TMCC1: variants seen among roughly 807,000 people sequenced by gnomAD.
The protein encoded by TMCC1 is transmembrane and coiled-coil domains protein 1.
A neutral mutation model predicts 52.4 loss-of-function variants in TMCC1; 15 were observed. The ratio of observed to expected loss-of-function variants is 0.29; its 90% CI spans 0.19 to 0.44. The LOEUF is 0.44. TMCC1 is among the 20% of genes least tolerant of loss of function. The probability of loss-of-function intolerance (pLI) is 1.00; values close to 1 mark genes in which losing one functional copy is unlikely to be tolerated. For missense variants in TMCC1, 503 were observed against 806.0 expected (o/e 0.62, Z 4.55); for synonymous variants, 279 against 301.9 (o/e 0.92, Z 0.79).
chr3:129,740,233 C>T (rs1041731574), intron 4 of TMCC1, among the ~76,000 whole-genome samples: 1 of 152,134 alleles, frequency 6.6e-6, no homozygotes, highest in East Asian at 1.9e-4. Flanking sequence ...TCCTAGATAC[C>T]AATCACTATG....
intron 4 of TMCC1, among the ~76,000 whole-genome samples, chr3:129,755,374 A>T (rs1198629459): frequency 2.0e-5 from 3 of 152,168 alleles, no homozygotes; most frequent in Admixed American, 1.3e-4. Context: ...AAAAGAAAAA[A>T]ATTGGTGAGT....
At chr3:129,696,917 T>C (rs1373466149) in intron 4 of TMCC1, among the ~76,000 whole-genome samples, 2 of 152,230 alleles carry the variant, frequency 1.3e-5, no homozygotes, top group East Asian at 3.9e-4. Flanking sequence ...TGGGCAGCTC[T>C]ACCCCTGTGG....
chr3:129,748,474 G>T (rs1354808135), intron 4 of TMCC1, among the ~76,000 whole-genome samples: 1 of 152,190 alleles, frequency 6.6e-6, no homozygotes, highest in East Asian at 1.9e-4. Flanking sequence ...TTTTAGGAGA[G>T]ACAGGGTTTT....
chr3:129,661,713 G>GGACT (rs1352658554), intron 5 of TMCC1, among the ~76,000 whole-genome samples: 2 of 152,062 alleles, frequency 1.3e-5, no homozygotes, highest in Admixed American at 6.6e-5. Flanking sequence ...TGAGGTGAGA[G>GGACT]GACTGCTTCA....
chr3:129,873,843 A>T (rs1251434322), intron 2 of TMCC1, among the ~76,000 whole-genome samples: 4 of 152,194 alleles, frequency 2.6e-5, no homozygotes, highest in African/African-American at 9.7e-5. Flanking sequence ...CTACCAGGCA[A>T]GCATCCCAAA....
intron 4 of TMCC1, among the ~76,000 whole-genome samples, chr3:129,706,161 G>A (rs901603944): frequency 2.7e-5 from 4 of 147,544 alleles, no homozygotes; most frequent in Non-Finnish European, 6.0e-5. Flanking sequence ...AAAGTATTGG[G>A]ATACAGGCGT....
At chr3:129,697,461 GC>G (rs2047498556) in intron 4 of TMCC1, among the ~76,000 whole-genome samples, 1 of 152,158 alleles carries the variant, frequency 6.6e-6, no homozygotes, top group South Asian at 2.1e-4. Context: ...AGACCTCTAG[GC>G]CTGTGATGGG....
intron 4 of TMCC1, among the ~76,000 whole-genome samples, chr3:129,749,019 C>T (rs1042705225): frequency 6.6e-6 from 1 of 151,322 alleles, no homozygotes; most frequent in African/African-American, 2.4e-5. Context: ...AGTGAGACTC[C>T]GCTAAAAAAA....
chr3:129,698,654 T>C, intron 4 of TMCC1, among the ~76,000 whole-genome samples: 1 of 152,254 alleles, frequency 6.6e-6, no homozygotes, highest in Non-Finnish European at 1.5e-5. Context: ...TACTTTTTCT[T>C]TTTTAAAGCA....
intron 4 of TMCC1, among the ~76,000 whole-genome samples, chr3:129,815,207 A>G (rs1449207192): frequency 1.3e-5 from 2 of 152,264 alleles, no homozygotes; most frequent in African/African-American, 2.4e-5. Flanking sequence ...TCTGACCACA[A>G]TGGAATAAAG....
intron 4 of TMCC1, among the ~76,000 whole-genome samples, chr3:129,787,701 C>T (rs1274142492): frequency 6.6e-6 from 1 of 152,106 alleles, no homozygotes; most frequent in Non-Finnish European, 1.5e-5. Flanking sequence ...GAATAGTATG[C>T]TTAATTTATC....
intron 4 of TMCC1, among the ~76,000 whole-genome samples, chr3:129,746,512 C>T (rs1313436177): frequency 6.6e-6 from 1 of 152,024 alleles, no homozygotes; most frequent in East Asian, 1.9e-4. Context: ...TAAAGTATTA[C>T]AAACCATGGT....
chr3:129,692,210 A>G (rs1052498970), intron 4 of TMCC1, among the ~76,000 whole-genome samples: 1 of 152,240 alleles, frequency 6.6e-6, no homozygotes. Context: ...GATAAAATTA[A>G]TATTACTCTT....
intron 4 of TMCC1, among the ~76,000 whole-genome samples, chr3:129,693,394 C>T (rs1187039035): frequency 6.6e-6 from 1 of 151,826 alleles, no homozygotes; most frequent in Admixed American, 6.6e-5. Context: ...ATCTTTTATT[C>T]TCATTTTGAT....
chr3:129,785,151 C>T (rs1463224654), intron 4 of TMCC1, among the ~76,000 whole-genome samples: 1 of 152,124 alleles, frequency 6.6e-6, no homozygotes, highest in Non-Finnish European at 1.5e-5. Context: ...ACCATTGGGG[C>T]TTCAAGATGA....
chr3:129,726,893 A>AAAAAAAAAAAAAAAAAAAAAAC (rs1560278979), intron 4 of TMCC1, among the ~76,000 whole-genome samples: 1 of 144,354 alleles, frequency 6.9e-6, no homozygotes, highest in Non-Finnish European at 1.5e-5. Flanking sequence ...AAAAAAAAAA[A>AAAAAAAAAAAAAAAAAAAAAAC]AAAAAGAACC....
intron 2 of TMCC1, among the ~76,000 whole-genome samples, chr3:129,859,500 G>T (rs2060286468): frequency 6.6e-6 from 1 of 151,986 alleles, no homozygotes; most frequent in South Asian, 2.1e-4. Context: ...AGGTGGGCAT[G>T]GTGGCATGAC....
intron 4 of TMCC1, among the ~76,000 whole-genome samples, chr3:129,708,268 T>C (rs1269104538): frequency 1.3e-5 from 2 of 152,308 alleles, no homozygotes; most frequent in Middle Eastern, 3.4e-3. Flanking sequence ...AATATTCTAA[T>C]ATAGGGTAAT....
In TMCC1 at chr3:129,828,012, T is replaced by C. The variant is rs2107833600; in HGVS notation, c.367A>G (p.Ser123Gly). The change falls in exon 4 of 7, where the codon AGT becomes GGT. Residue 123 changes from serine to glycine, a missense_variant. Physicochemically the swap from Ser to Gly is moderately conservative, Grantham distance 56 (BLOSUM62 0). Around this residue, in one of 7 missense-constraint regions of TMCC1, gnomAD observed 217 missense variants for 297.9 expected, o/e 0.73. Transcript: ENST00000393238. The surrounding 1 kb of genome is among the most constrained non-coding windows in gnomAD (Gnocchi z 4.1). Reference protein sequence around the residue: ...PKMKRGTSLHSRRGKPEAPKG... With the variant: ...PKMKRGTSLHGRRGKPEAPKG... ...GGGGCCTCTGGCTTGCCCCGCCTAC[T>C]ATGCAAGCTTGTCCCTCTCTTCATC... The C allele has an allele frequency of 1.2e-6, 2 of 1,614,126 alleles. No homozygotes were observed. The highest frequency in any genetic ancestry group is 1.7e-6 in the Non-Finnish European group (2 of 1,179,974).
Sources: allele counts gnomAD v4.1 joint callset (sites outside exome capture counted in the v4.1 genomes callset), GRCh38; gene constraint gnomAD v4.1.1; regional missense constraint gnomAD v4.1.1; non-coding constraint Gnocchi (gnomAD v3.1); transcripts MANE v1.5; gene names NCBI Gene and HGNC (gene_info 2026-07-23, HGNC 2026-07-21).